The following KIF21A variants were observed in gnomAD, a reference collection of about 807,000 sequenced individuals.
KIF21A encodes kinesin family member 21A.
KIF21A carries 114 observed loss-of-function variants against 202.9 expected under a neutral mutation model. The observed-to-expected ratio is 0.56, with a 90% CI of 0.48 to 0.66. The LOEUF (loss-of-function observed/expected upper bound fraction) is 0.66, where lower values mean the gene tolerates loss of function less well. Ranked by LOEUF, KIF21A falls within the 30% of genes least tolerant of loss-of-function variation. The pLI, the probability that KIF21A is intolerant of heterozygous loss-of-function variation, is 0.00. For synonymous variants in KIF21A, 667 were observed against 670.8 expected (o/e 0.99, Z 0.09); for missense variants, 1,677 against 1,994.9 (o/e 0.84, Z 3.04).
At chr12:39,436,961 T>C (rs144269242) in intron 1 of KIF21A, among the ~76,000 whole-genome samples, 27 of 152,340 alleles carry the variant, frequency 1.8e-4, no homozygotes, top group African/African-American at 6.0e-4. Flanking sequence ...TTTTTATTGA[T>C]ATGTTTTTCT....
At chr12:39,303,166 A>C (rs1406423212) in intron 35 of KIF21A, 31 bp from the exon 36 acceptor site, 1 of 1,605,190 alleles carries the variant, frequency 6.2e-7, no homozygotes, top group Non-Finnish European at 8.5e-7. Flanking sequence ...CAGTTATCCT[A>C]TTTAACTTGC....
Position 39,302,846 on chromosome 12 carries a change from G to A in KIF21A, c.4731+119C>T, listed in dbSNP as rs568368978. On this transcript the variant is annotated intron_variant, in intron 36 of 37. Transcript: ENST00000361418. ...GGATGAAACATTCTTTAAGAAAAAG[G>A]CCTGATTAATATTATCTGTAAATGA... The A allele has an allele frequency of 4.5e-6, 4 of 889,408 alleles. No homozygotes were observed. In the Admixed American group the frequency reaches 7.4e-5, roughly 16 times the overall value. The allele number at this position is 889,408 out of a possible 1,614,324, so 55.1% of individuals were successfully genotyped here. A position where few individuals can be genotyped will look rare whatever the true frequency, so the allele number is the denominator to read the frequency against.
At chr12:39,356,488 T>A in intron 10 of KIF21A, 1 of 181,444 alleles carries the variant, frequency 5.5e-6, no homozygotes, top group Non-Finnish European at 1.1e-5. Context: ...GATATTGATC[T>A]ATTCCCAACT....
intron 29 of KIF21A, among the ~76,000 whole-genome samples, chr12:39,317,513 T>G (rs1565721136): frequency 6.6e-6 from 1 of 152,142 alleles, no homozygotes; most frequent in Non-Finnish European, 1.5e-5. Flanking sequence ...CTCCAACTTC[T>G]CCACCCCTGC....
At chr12:39,388,327 G>GT (rs1324956735) in intron 1 of KIF21A, among the ~76,000 whole-genome samples, 1 of 152,068 alleles carries the variant, frequency 6.6e-6, no homozygotes, top group Non-Finnish European at 1.5e-5. Context: ...ACCTTCCATC[G>GT]TAAGTGGAAG....
rs1223994055 is a variant in KIF21A, at chr12:39,319,920, G to A, written c.3765C>T (p.Ala1255=). 1.2e-6 allele frequency: 2 copies of A among 1,601,724 alleles called. No homozygotes were observed. The highest frequency in any genetic ancestry group is 1.7e-5 in the Admixed American group (1 of 59,560). Reference sequence around the variant, plus strand: ...TAGTCACTTACTGCTTTTGTTCCTTGGCCTTTGATTTTTCTGCTTTCTCAT... The same window carrying A: ...TAGTCACTTACTGCTTTTGTTCCTTAGCCTTTGATTTTTCTGCTTTCTCAT... ...KAYEKAEKSK[A]KEQKHSDSGT... The change falls in exon 28 of 38, where the codon GCC becomes GCT. Residue 1255 remains alanine, a synonymous_variant. Coordinates refer to ENST00000361418, the MANE Select transcript of KIF21A (RefSeq NM_001173464.2).
rs139098390 is a variant in KIF21A at position 39,361,833 on chromosome 12, C to T, written c.1019+1265G>A. 1.1e-3 allele frequency among the ~76,000 whole-genome samples: 162 copies of T among 152,128 alleles called. 1 individual carries two copies. Among genetic ancestry groups the T allele is most frequent in the African/African-American group, 3.8e-3 (156 of 41,516 alleles). ...AACAGAACTTTATTTCTAAACCAAACGGATTATAAACTTAAAAGGATTTAA... is the reference window on the plus strand; with the variant it reads ...AACAGAACTTTATTTCTAAACCAAATGGATTATAAACTTAAAAGGATTTAA... On this transcript the variant is annotated intron_variant, in intron 7 of 37. Transcript: ENST00000361418.
At chr12:39,345,331 T>A (rs1947805089) in intron 12 of KIF21A, among the ~76,000 whole-genome samples, 1 of 152,148 alleles carries the variant, frequency 6.6e-6, no homozygotes, top group Non-Finnish European at 1.5e-5. Context: ...TTTTAATGCC[T>A]TAACTTAATT....
At chr12:39,315,559 C>G (rs1375719590) in intron 30 of KIF21A, among the ~76,000 whole-genome samples, 2 of 151,146 alleles carry the variant, frequency 1.3e-5, no homozygotes, top group Non-Finnish European at 1.5e-5. Flanking sequence ...AATTGCTAAA[C>G]CAACAAGAAA....
At chr12:39,387,916 G>A (rs778500745) in intron 1 of KIF21A, among the ~76,000 whole-genome samples, 6 of 152,142 alleles carry the variant, frequency 3.9e-5, no homozygotes, top group Non-Finnish European at 8.8e-5. Context: ...AGTAATAGGG[G>A]TCTTAGCTAG....
At chr12:39,325,057 G>A (rs746360288) in intron 26 of KIF21A, among the ~76,000 whole-genome samples, 2 of 152,092 alleles carry the variant, frequency 1.3e-5, no homozygotes, top group Non-Finnish European at 2.9e-5. Flanking sequence ...CTACAAATAC[G>A]CATCATAGCT....
At chr12:39,298,364 A>G (rs1442570926) in intron 37 of KIF21A, among the ~76,000 whole-genome samples, 2 of 152,224 alleles carry the variant, frequency 1.3e-5, no homozygotes, top group East Asian at 1.9e-4. Context: ...TAAGTTGTAC[A>G]TGAGTAGAGT....
intron 10 of KIF21A, among the ~76,000 whole-genome samples, chr12:39,356,070 C>T (rs1948755800): frequency 6.6e-6 from 1 of 152,160 alleles, no homozygotes; most frequent in South Asian, 2.1e-4. Context: ...ATGGAGCTGA[C>T]TGGGGTTTTC....
chr12:39,309,601 C>G lies in KIF21A; in HGVS notation c.4262G>C (p.Cys1421Ser), dbSNP rs751709193. ...AGTTACTTACGTTAGTGTTCGAATG[C>G]ACTTTGCTGAATCTCTGATATCCCA... is the stretch of plus-strand genomic sequence containing the variant. ...KVWDIRDSAK[C>S]IRTLTSSGQV... Residue 1421 changes from cysteine to serine, a missense_variant, in exon 33 of 38, where the codon TGC becomes TCC. By Grantham distance (112) the Cys-to-Ser change is moderately radical (BLOSUM62 -1). Around this residue, in one of 3 missense-constraint regions of KIF21A, gnomAD observed 705 missense variants for 791.9 expected, o/e 0.89. Coordinates refer to ENST00000361418, the MANE Select transcript of KIF21A (RefSeq NM_001173464.2). The G allele has an allele frequency of 2.5e-6, 4 of 1,610,836 alleles. No individual in the cohort carries two copies. The highest frequency in any genetic ancestry group is 1.7e-5 in the Admixed American group (1 of 59,924).
intron 16 of KIF21A, among the ~76,000 whole-genome samples, chr12:39,338,170 A>G (rs950940811): frequency 1.6e-4 from 25 of 152,204 alleles, no homozygotes; most frequent in Non-Finnish European, 3.4e-4. Flanking sequence ...GAAGACGGTG[A>G]TATTGATGAT....
chr12:39,312,679 T>G (rs1944151099), intron 31 of KIF21A: 1 of 151,860 alleles, frequency 6.6e-6, no homozygotes, highest in Non-Finnish European at 1.5e-5. Context: ...AATAAAAAAA[T>G]TAAAAACAAT....
At chr12:39,324,791 C>A (rs1004726105) in intron 26 of KIF21A, among the ~76,000 whole-genome samples, 2 of 152,314 alleles carry the variant, frequency 1.3e-5, no homozygotes, top group South Asian at 4.1e-4. Context: ...CTAAATTAGT[C>A]ATTTGCATTA....
intron 1 of KIF21A, among the ~76,000 whole-genome samples, chr12:39,433,357 G>GA (rs894995423): frequency 9.1e-4 from 134 of 147,020 alleles, no homozygotes; most frequent in African/African-American, 2.6e-3. Context: ...CCAGGTCCCA[G>GA]AAAAAAAAAA....
intron 1 of KIF21A, among the ~76,000 whole-genome samples, chr12:39,418,193 A>G (rs941933010): frequency 7.2e-6 from 1 of 138,918 alleles, no homozygotes; most frequent in Non-Finnish European, 1.6e-5. Flanking sequence ...GACCCTGACT[A>G]AAAAAAAAAA....
Sources: gnomAD v4.1 joint callset for allele counts (sites outside exome capture counted in the v4.1 genomes callset) on GRCh38, gnomAD v4.1.1 for gene constraint, gnomAD v4.1.1 regional missense constraint, MANE v1.5 for transcripts, NCBI Gene and HGNC (gene_info 2026-07-23, HGNC 2026-07-21) for gene names.